Variants in TEAD1 observed in about 807,000 individuals in gnomAD.
TEAD1 encodes TEA domain transcription factor 1.
Under a neutral mutation model 54.9 loss-of-function variants are expected in TEAD1, and 9 were observed. The observed-to-expected ratio is 0.16, with a 90% CI of 0.10 to 0.29. The LOEUF is 0.29. Ranked by LOEUF, TEAD1 falls within the 10% of genes least tolerant of loss-of-function variation. The probability of loss-of-function intolerance (pLI) is 1.00; values close to 1 mark genes in which losing one functional copy is unlikely to be tolerated. For synonymous variants in TEAD1, 200 were observed against 187.8 expected, an observed-to-expected ratio of 1.07 and a Z score of -0.53; for missense variants, 387 against 535.9, an observed-to-expected ratio of 0.72 and a Z score of 2.74.
chr11:12,852,002 T>C (rs903187428), intron 3 of TEAD1, among the ~76,000 whole-genome samples: 2 of 151,970 alleles, frequency 1.3e-5, no homozygotes, highest in Non-Finnish European at 2.9e-5. Flanking sequence ...AATGACTAAC[T>C]CAGTTTGGAT....
intron 7 of TEAD1, among the ~76,000 whole-genome samples, chr11:12,881,530 G>GT (rs1947966789): frequency 6.6e-6 from 1 of 152,116 alleles, no homozygotes; most frequent in South Asian, 2.1e-4. Context: ...CCTATATGCT[G>GT]TAAAAAAAAA....
chr11:12,730,286 G>A (rs1447885447), intron 2 of TEAD1, among the ~76,000 whole-genome samples: 1 of 152,154 alleles, frequency 6.6e-6, no homozygotes, highest in Non-Finnish European at 1.5e-5. Context: ...ACCTTGTGAG[G>A]TTGTATAAAT....
At chr11:12,894,996 A>G (rs1036280300) in intron 9 of TEAD1, among the ~76,000 whole-genome samples, 1 of 152,190 alleles carries the variant, frequency 6.6e-6, no homozygotes, top group Non-Finnish European at 1.5e-5. Context: ...CAGCAGAGAG[A>G]GAGGGCTATA....
chr11:12,916,686 T>TC (rs1281276309), intron 10 of TEAD1, among the ~76,000 whole-genome samples: 3 of 152,236 alleles, frequency 2.0e-5, no homozygotes, highest in Non-Finnish European at 4.4e-5. Flanking sequence ...GCCTGTGCTG[T>TC]CAGTCCAGTG....
chr11:12,692,061 G>A (rs1175455056), intron 2 of TEAD1, among the ~76,000 whole-genome samples: 1 of 152,166 alleles, frequency 6.6e-6, no homozygotes, highest in Non-Finnish European at 1.5e-5. Flanking sequence ...TATTGTTTTA[G>A]TGCTGCGGGC....
intron 3 of TEAD1, among the ~76,000 whole-genome samples, chr11:12,832,810 A>G (rs1368188525): frequency 6.6e-6 from 1 of 152,196 alleles, no homozygotes; most frequent in Admixed American, 6.5e-5. Flanking sequence ...TCTCGTTCAA[A>G]CACCAGATTG....
rs1346650521 is a variant in TEAD1, at chr11:12,736,711, TTATCCA to T, written c.-54-27466_-54-27461del. Among the ~76,000 whole-genome samples the T allele has an allele frequency of 2.0e-5, 3 of 152,182 alleles. No individual in the cohort carries two copies. The East Asian group carries it at 5.8e-4, about 29-fold the overall frequency. On this transcript the variant is annotated intron_variant, in intron 2 of 12. Coordinates refer to ENST00000527636, the MANE Select transcript of TEAD1 (RefSeq NM_021961.6). ...CAGCTGGAACCTAAGCTTTTGATTC[TTATCCA>T]TTCACAAAGAAATACAGGTAAAGCA...
At chr11:12,749,980 C>T (rs1944833463) in intron 2 of TEAD1, among the ~76,000 whole-genome samples, 1 of 152,092 alleles carries the variant, frequency 6.6e-6, no homozygotes, top group Non-Finnish European at 1.5e-5. Context: ...TGTGAGAGAC[C>T]TGTTTTGCAT....
intron 2 of TEAD1, among the ~76,000 whole-genome samples, chr11:12,716,396 A>G (rs1204069398): frequency 1.3e-5 from 2 of 152,068 alleles, no homozygotes; most frequent in Admixed American, 6.5e-5. Context: ...TCCCCCCTCC[A>G]TTGAGGGACC....
intron 10 of TEAD1, among the ~76,000 whole-genome samples, chr11:12,920,387 G>A (rs1465219256): frequency 2.0e-5 from 3 of 152,088 alleles, no homozygotes; most frequent in Non-Finnish European, 4.4e-5. Context: ...TTTTAAGGTT[G>A]ACAGTTTTTA....
At chr11:12,903,382 T>G (rs532764859) in intron 10 of TEAD1, among the ~76,000 whole-genome samples, 8 of 152,328 alleles carry the variant, frequency 5.3e-5, no homozygotes, top group Non-Finnish European at 5.9e-5. Context: ...CCAACAGATG[T>G]GAGAACAAAT....
chr11:12,925,897 G>A (rs890778227), intron 11 of TEAD1, among the ~76,000 whole-genome samples: 6 of 152,102 alleles, frequency 3.9e-5, no homozygotes, highest in Admixed American at 1.3e-4. Context: ...CACTGCCTTC[G>A]CTTTTAATTG....
At position 12,938,152 on chromosome 11, in the gene TEAD1, TTAAGA is replaced by T. The variant is rs1264541009; in HGVS notation, c.*932_*936del. The T allele has an allele frequency of 6.6e-6, 1 of 152,614 alleles. No homozygotes were observed. 9.5% of individuals were successfully genotyped at this position (152,614 alleles called of 1,614,324 possible). On this transcript the variant is annotated 3_prime_UTR_variant, in exon 13 of 13. Transcript: ENST00000527636. ...TTTATATGGACGACCAAATTTTTTA[TTAAGA>T]TGAGTAAATATTTGAACCACTGAAT...
At chr11:12,762,059 A>G (rs1445205532) in intron 2 of TEAD1, among the ~76,000 whole-genome samples, 1 of 152,154 alleles carries the variant, frequency 6.6e-6, no homozygotes, top group Non-Finnish European at 1.5e-5. Flanking sequence ...CCACTGTCCT[A>G]GATCCCATTC....
chr11:12,744,843 A>T (rs1045312319), intron 2 of TEAD1, among the ~76,000 whole-genome samples: 1 of 152,234 alleles, frequency 6.6e-6, no homozygotes, highest in African/African-American at 2.4e-5. Flanking sequence ...GGCCTAGGTC[A>T]GCCTCCTCGC....
chr11:12,880,934 A>G lies in TEAD1; in HGVS notation c.466-71A>G, dbSNP rs80238320. On this transcript the variant is annotated intron_variant, in intron 6 of 12. Transcript: ENST00000527636. The stretch of plus-strand genomic sequence containing the variant: ...CTGCTGTCTTTTAGCAGGGGTTGTG[A>G]TGCGTAGGCATCCTAAACTGTGCTT... The G allele has an allele frequency of 8.0e-3, 12,293 of 1,544,990 alleles. 60 individuals are homozygous for G. Among genetic ancestry groups the G allele is most frequent in the Admixed American group, 0.012 (696 of 59,924 alleles).
chr11:12,694,080 G>C (rs979701485), intron 2 of TEAD1, among the ~76,000 whole-genome samples: 1 of 152,208 alleles, frequency 6.6e-6, no homozygotes, highest in African/African-American at 2.4e-5. Flanking sequence ...TGTGCGGCCC[G>C]GCACAACTCA....
At chr11:12,682,757 A>T (rs1943248806) in intron 2 of TEAD1, among the ~76,000 whole-genome samples, 1 of 152,188 alleles carries the variant, frequency 6.6e-6, no homozygotes, top group African/African-American at 2.4e-5. Context: ...ATGAACAGCG[A>T]TCAGTAAAAC....
chr11:12,747,709 T>G (rs1303771625), intron 2 of TEAD1, among the ~76,000 whole-genome samples: 3 of 152,232 alleles, frequency 2.0e-5, no homozygotes, highest in Non-Finnish European at 4.4e-5. Context: ...CCCATGCTCA[T>G]CTCTAAGCAT....
Sources: allele counts gnomAD v4.1 joint callset (sites outside exome capture counted in the v4.1 genomes callset), GRCh38; gene constraint gnomAD v4.1.1; transcripts MANE v1.5; gene names NCBI Gene and HGNC (gene_info 2026-07-23, HGNC 2026-07-21).